Variants in PTPRN2 observed in about 807,000 individuals in gnomAD.
PTPRN2 encodes the protein protein tyrosine phosphatase receptor type N2.
Under a neutral mutation model 118.8 loss-of-function variants are expected in PTPRN2, and 74 were observed. That is an observed-to-expected ratio of 0.62 (90% CI 0.52 to 0.76). The LOEUF is 0.76. Ranked by LOEUF, PTPRN2 falls within the 30% of genes least tolerant of loss-of-function variation. The pLI, the probability that PTPRN2 is intolerant of heterozygous loss-of-function variation, is 0.00. For missense variants in PTPRN2, 1,481 were observed against 1,394.4 expected (o/e 1.06, Z -0.99); for synonymous variants, 641 against 608.0 (o/e 1.05, Z -0.80).
At chr7:158,074,041 T>C (rs1812153334) in intron 11 of PTPRN2, among the ~76,000 whole-genome samples, 1 of 152,202 alleles carries the variant, frequency 6.6e-6, no homozygotes, top group South Asian at 2.1e-4. Flanking sequence ...CCAGCCATCC[T>C]GCCGTCCTCC....
At chr7:157,916,834 G>A (rs1318586617) in intron 11 of PTPRN2, among the ~76,000 whole-genome samples, 4 of 138,390 alleles carry the variant, frequency 2.9e-5, no homozygotes, top group East Asian at 2.1e-4. Flanking sequence ...GGCTGGCCAC[G>A]CACCCCGGCC....
At chr7:158,320,290 T>C (rs1802892133) in intron 2 of PTPRN2, among the ~76,000 whole-genome samples, 1 of 152,194 alleles carries the variant, frequency 6.6e-6, no homozygotes, top group African/African-American at 2.4e-5. Context: ...CACGAGTGAC[T>C]GCTGGCTCAT....
At chr7:158,176,196 C>T (rs1386760060) in intron 5 of PTPRN2, among the ~76,000 whole-genome samples, 1 of 152,210 alleles carries the variant, frequency 6.6e-6, no homozygotes, top group Non-Finnish European at 1.5e-5. Flanking sequence ...ATTAAAGCAG[C>T]GAGTTCCAAT....
chr7:158,547,132 T>C (rs79810619), intron 1 of PTPRN2, among the ~76,000 whole-genome samples: 5 of 151,986 alleles, frequency 3.3e-5, no homozygotes, highest in Admixed American at 1.3e-4. Flanking sequence ...GGGGGCTTTG[T>C]TTTTTTTAAC....
intron 1 of PTPRN2, among the ~76,000 whole-genome samples, chr7:158,516,870 T>C (rs781151435): frequency 1.3e-5 from 2 of 152,166 alleles, no homozygotes; most frequent in Non-Finnish European, 2.9e-5. Flanking sequence ...TTCTTGGTGC[T>C]GTTCTTGGTG....
chr7:158,527,686 T>TG (rs368954892), intron 1 of PTPRN2, among the ~76,000 whole-genome samples: 19 of 152,164 alleles, frequency 1.2e-4, no homozygotes, highest in East Asian at 7.8e-4. Flanking sequence ...CTCCACTCTG[T>TG]GGGGGGGTCT....
At chr7:158,346,201 T>C (rs1807499922) in intron 2 of PTPRN2, among the ~76,000 whole-genome samples, 1 of 152,236 alleles carries the variant, frequency 6.6e-6, no homozygotes, top group South Asian at 2.1e-4. Context: ...TTGAGATGTA[T>C]AACCGTCTAC....
intron 13 of PTPRN2, among the ~76,000 whole-genome samples, chr7:157,681,164 A>G (rs1451081264): frequency 6.6e-6 from 1 of 151,856 alleles, no homozygotes; most frequent in Non-Finnish European, 1.5e-5. Context: ...TCAATATTTT[A>G]TATTTGAATT....
At chr7:157,722,584 G>A (rs1165432382) in intron 12 of PTPRN2, among the ~76,000 whole-genome samples, 1 of 152,202 alleles carries the variant, frequency 6.6e-6, no homozygotes, top group Non-Finnish European at 1.5e-5. Context: ...TGGACTTGAC[G>A]CCAGAAGCAA....
At chr7:158,149,564 G>GA (rs1357273143) in intron 6 of PTPRN2, among the ~76,000 whole-genome samples, 1 of 152,112 alleles carries the variant, frequency 6.6e-6, no homozygotes, top group African/African-American at 2.4e-5. Context: ...AGCACTTTGG[G>GA]GTCCGAGGTG....
Position 157,674,808 on chromosome 7 carries a change from C to G in PTPRN2, c.2001+7917G>C, listed in dbSNP as rs569704709. On this transcript the variant is annotated intron_variant, in intron 13 of 22. Transcript: ENST00000389418. The surrounding 1 kb of genome is among the most constrained non-coding windows in gnomAD (Gnocchi z 4.5). ...TGTCACCTGGAGATTCCGGCCCTGC[C>G]GGGCGTCTCCTCCCACGCCGAGCTC... 4.6e-5 allele frequency among the ~76,000 whole-genome samples: 7 copies of G among 152,354 alleles called. No individual in the cohort carries two copies. The South Asian group carries it at 1.4e-3, about 32-fold the overall frequency.
At chr7:158,568,293 T>C (rs1028184983) in intron 1 of PTPRN2, among the ~76,000 whole-genome samples, 3 of 152,120 alleles carry the variant, frequency 2.0e-5, no homozygotes, top group Non-Finnish European at 4.4e-5. Flanking sequence ...GCAAACAGTA[T>C]CTAGCTCAAC....
chr7:158,342,162 C>T (rs1287521907), intron 2 of PTPRN2, among the ~76,000 whole-genome samples: 1 of 149,294 alleles, frequency 6.7e-6, no homozygotes, highest in South Asian at 2.1e-4. Flanking sequence ...CTCACACCCA[C>T]ACTCTCACCA....
chr7:157,753,558 C>T (rs72505547), intron 12 of PTPRN2, among the ~76,000 whole-genome samples: 1 of 152,126 alleles, frequency 6.6e-6, no homozygotes, highest in African/African-American at 2.4e-5. Context: ...TGGCAGTGAC[C>T]CTTCCTCCAA....
intron 11 of PTPRN2, among the ~76,000 whole-genome samples, chr7:158,069,258 G>C (rs78458931): frequency 6.6e-6 from 1 of 152,158 alleles, no homozygotes; most frequent in Non-Finnish European, 1.5e-5. Flanking sequence ...GCATGGTTGT[G>C]ACCATGGTTG....
rs202059229 is a variant in PTPRN2 at position 158,047,558 on chromosome 7, TGA to T, written c.1723+33738_1723+33739del. ...GGGTGCGAGGGCTACCTGCAGTCAC[TGA>T]GTGTGTGAGGCCTGCCTGCAGTCAC... On this transcript the variant is annotated intron_variant, in intron 11 of 22. Coordinates refer to ENST00000389418, the MANE Select transcript of PTPRN2 (RefSeq NM_002847.5). 6.3e-3 allele frequency among the ~76,000 whole-genome samples: 947 copies of T among 151,466 alleles called. 6 individuals carry two copies. The highest frequency in any genetic ancestry group is 0.017 in the Middle Eastern group (5 of 294).
At chr7:158,330,710 C>G (rs1457720898) in intron 2 of PTPRN2, among the ~76,000 whole-genome samples, 1 of 117,240 alleles carries the variant, frequency 8.5e-6, no homozygotes, top group South Asian at 3.3e-4. Context: ...CATACTCTCA[C>G]CATAAGAGCC....
chr7:158,486,507 T>A (rs548818240), intron 2 of PTPRN2, among the ~76,000 whole-genome samples: 1 of 152,374 alleles, frequency 6.6e-6, no homozygotes, highest in Non-Finnish European at 1.5e-5. Context: ...CTAAACTCTC[T>A]TTTCTACAAG....
At chr7:157,621,945 A>T (rs1037812966) in intron 14 of PTPRN2, among the ~76,000 whole-genome samples, 5 of 152,076 alleles carry the variant, frequency 3.3e-5, no homozygotes, top group Non-Finnish European at 7.4e-5. Flanking sequence ...GGCTGCTCTG[A>T]TCTGTGCAAA....
Sources: allele counts gnomAD v4.1 joint callset (sites outside exome capture counted in the v4.1 genomes callset), GRCh38; gene constraint gnomAD v4.1.1; non-coding constraint Gnocchi (gnomAD v3.1); transcripts MANE v1.5; gene names NCBI Gene and HGNC (gene_info 2026-07-23, HGNC 2026-07-21).